Variants in NUDT2 observed in about 807,000 individuals in gnomAD.
The protein encoded by NUDT2 is nudix hydrolase 2.
A neutral mutation model predicts 14.2 loss-of-function variants in NUDT2; 12 were observed. That is an observed-to-expected ratio of 0.84 (90% CI 0.54 to 1.37). The LOEUF (loss-of-function observed/expected upper bound fraction) is 1.37. NUDT2 is among the 40% of genes most tolerant of loss of function. The probability of loss-of-function intolerance (pLI) is 0.00; values close to 1 mark genes in which losing one functional copy is unlikely to be tolerated. For missense variants in NUDT2, 167 were observed against 176.7 expected (o/e 0.95, Z 0.31); for synonymous variants, 67 against 67.4 (o/e 0.99, Z 0.03).
At position 34,342,588 on chromosome 9, in the gene NUDT2, C is replaced by T. The variant is rs377729598; in HGVS notation, c.128-536C>T. ...CTTGCTATACACATGGTCTGTTTCACTCTCTGCAGAGAAGAGGGAATGGAA... is the reference window on the plus strand; with the variant it reads ...CTTGCTATACACATGGTCTGTTTCATTCTCTGCAGAGAAGAGGGAATGGAA... On this transcript the variant is annotated intron_variant, in intron 4 of 4. Coordinates refer to ENST00000379158, the MANE Select transcript of NUDT2 (RefSeq NM_001161.5). 5.6e-4 allele frequency among the ~76,000 whole-genome samples: 86 copies of T among 152,272 alleles called. No individual in the cohort carries two copies. The South Asian group carries it at 9.1e-3, about 16-fold the overall frequency.
chr9:34,341,723 T>TGGTC (rs1820190902), intron 4 of NUDT2, among the ~76,000 whole-genome samples: 1 of 152,208 alleles, frequency 6.6e-6, no homozygotes, highest in Non-Finnish European at 1.5e-5. Context: ...TTGGCCAGGC[T>TGGTC]GGTCTCAAAC....
intron 1 of NUDT2, among the ~76,000 whole-genome samples, chr9:34,331,367 C>G (rs925060352): frequency 2.6e-5 from 4 of 152,160 alleles, no homozygotes; most frequent in African/African-American, 9.7e-5. Context: ...TCCACAACAA[C>G]CATGCAAAGT....
chr9:34,339,309 C>A, intron 4 of NUDT2, 143 bp downstream of exon 4: 2 of 940,632 alleles, frequency 2.1e-6, no homozygotes, highest in Non-Finnish European at 3.1e-6. Flanking sequence ...ACCCTTTCTA[C>A]ATACAAGGTC....
intron 4 of NUDT2, among the ~76,000 whole-genome samples, chr9:34,341,282 T>C (rs1820174606): frequency 6.6e-6 from 1 of 152,184 alleles, no homozygotes; most frequent in Non-Finnish European, 1.5e-5. Flanking sequence ...GACAGAATAC[T>C]GAATAGATGC....
intron 2 of NUDT2, among the ~76,000 whole-genome samples, chr9:34,337,920 C>G (rs890810800): frequency 6.6e-6 from 1 of 151,848 alleles, no homozygotes; most frequent in African/African-American, 2.4e-5. Context: ...TCACCACAAC[C>G]GTAACCTCCG....
intron 4 of NUDT2, 108 bp downstream of exon 4, chr9:34,339,274 G>C: frequency 7.2e-7 from 1 of 1,396,662 alleles, no homozygotes; most frequent in East Asian, 2.3e-5. Context: ...GTAGCAAAAA[G>C]GGGTAGGGAA....
chr9:34,335,929 T>C (rs1838078070), intron 1 of NUDT2, among the ~76,000 whole-genome samples: 1 of 152,096 alleles, frequency 6.6e-6, no homozygotes, highest in South Asian at 2.1e-4. Context: ...CATGCAGGCA[T>C]CTTTGCTTGT....
chr9:34,338,299 C>A (rs1446349040), intron 2 of NUDT2, among the ~76,000 whole-genome samples: 1 of 122,870 alleles, frequency 8.1e-6, no homozygotes, highest in Non-Finnish European at 1.6e-5. Flanking sequence ...TCAGGATCAG[C>A]CTGGGCAATA....
In NUDT2 at chr9:34,338,799, G is replaced by A. The variant is rs975041063; in HGVS notation, c.-65G>A. On this transcript the variant is annotated 5_prime_UTR_variant, in exon 3 of 5. Transcript: ENST00000379158. ...GAGCCCTGGAGGAGTTGGGATAGAGGCCACATTGACTGAGGGTAGTTGCCA... is the reference window on the plus strand; with the variant it reads ...GAGCCCTGGAGGAGTTGGGATAGAGACCACATTGACTGAGGGTAGTTGCCA... 6.0e-6 allele frequency: 2 copies of A among 332,254 alleles called. No homozygotes were observed. The highest frequency in any genetic ancestry group is 4.3e-5 in the Admixed American group (1 of 23,288). 20.6% of individuals were successfully genotyped at this position (332,254 alleles called of 1,614,324 possible).
At chr9:34,341,522 T>C (rs961636796) in intron 4 of NUDT2, among the ~76,000 whole-genome samples, 1 of 152,218 alleles carries the variant, frequency 6.6e-6, no homozygotes, top group African/African-American at 2.4e-5. Flanking sequence ...TTTTGTTTGT[T>C]TGTTTGAGAC....
Position 34,343,355 on chromosome 9 carries a change from AG to A in NUDT2, c.361del (p.Glu121ArgfsTer11). The A allele has an allele frequency of 6.2e-7, 1 of 1,614,032 alleles. No homozygotes were observed. Among genetic ancestry groups the A allele is most frequent in the Non-Finnish European group, 8.5e-7 (1 of 1,180,004 alleles). Reference sequence around the variant, plus strand: ...CAAGCCTACCGCTGGCTGGGGCTGGAGGAGGCCTGCCAGTTGGCTCAGTTCA... The same window carrying A: ...CAAGCCTACCGCTGGCTGGGGCTGGAGAGGCCTGCCAGTTGGCTCAGTTCA... ...EHQAYRWLGL[E>X]EACQLAQFKE... On this transcript the variant is annotated frameshift_variant, in exon 5 of 5. Transcript: ENST00000379158. LOFTEE classifies it high-confidence loss of function.
At chr9:34,336,996 C>CTTTTT (rs145996244) in intron 2 of NUDT2, among the ~76,000 whole-genome samples, 5 of 109,200 alleles carry the variant, frequency 4.6e-5, no homozygotes, top group Non-Finnish European at 5.4e-5. Context: ...ATATGTACAT[C>CTTTTT]TTTTTTTTTT....
chr9:34,334,378 A>G (rs1425755120), intron 1 of NUDT2, among the ~76,000 whole-genome samples: 1 of 152,146 alleles, frequency 6.6e-6, no homozygotes, highest in Non-Finnish European at 1.5e-5. Context: ...GCCTGCTGTC[A>G]GCCTGGAGTT....
chr9:34,331,634 A>G (rs1837940230), intron 1 of NUDT2, among the ~76,000 whole-genome samples: 1 of 152,160 alleles, frequency 6.6e-6, no homozygotes, highest in African/African-American at 2.4e-5. Flanking sequence ...TCTAATAGAA[A>G]ATTTTCACCG....
chr9:34,337,604 A>G (rs1360369493), intron 2 of NUDT2, among the ~76,000 whole-genome samples: 2 of 152,152 alleles, frequency 1.3e-5, no homozygotes, highest in Non-Finnish European at 2.9e-5. Context: ...TAACATTACC[A>G]TCTGTTGGCA....
At chr9:34,329,988 G>T (rs1443670171) in intron 1 of NUDT2, among the ~76,000 whole-genome samples, 1 of 152,232 alleles carries the variant, frequency 6.6e-6, no homozygotes, top group Non-Finnish European at 1.5e-5. Context: ...TTCCAAAAGA[G>T]ATTTTATGTT....
At chr9:34,335,042 C>T (rs1838054800) in intron 1 of NUDT2, among the ~76,000 whole-genome samples, 1 of 152,198 alleles carries the variant, frequency 6.6e-6, no homozygotes, top group Non-Finnish European at 1.5e-5. Context: ...TGAAGGTCAT[C>T]ACACAGCCCC....
chr9:34,337,576 A>C (rs2131857969), intron 2 of NUDT2, among the ~76,000 whole-genome samples: 1 of 152,288 alleles, frequency 6.6e-6, no homozygotes, highest in East Asian at 1.9e-4. Context: ...TTTGGTGAGA[A>C]ACCGCTATTC....
At chr9:34,339,860 T>C (rs1446643179) in intron 4 of NUDT2, among the ~76,000 whole-genome samples, 1 of 152,106 alleles carries the variant, frequency 6.6e-6, no homozygotes, top group Non-Finnish European at 1.5e-5. Flanking sequence ...TCCTAAGTTT[T>C]CTTCCAGCCT....
Sources: gnomAD v4.1 joint callset for allele counts (sites outside exome capture counted in the v4.1 genomes callset) on GRCh38, gnomAD v4.1.1 for gene constraint, MANE v1.5 for transcripts, NCBI Gene and HGNC (gene_info 2026-07-23, HGNC 2026-07-21) for gene names.